PAGE1: variants seen among roughly 807,000 people sequenced by gnomAD.
PAGE1 encodes the protein PAGE family member 1.
Under a neutral mutation model 11.5 loss-of-function variants are expected in PAGE1, and 6 were observed. The ratio of observed to expected loss-of-function variants is 0.52; its 90% CI spans 0.29 to 1.03. PAGE1 has a LOEUF of 1.03. PAGE1 is among the 50% of genes least tolerant of loss of function. The pLI, the probability that PAGE1 is intolerant of heterozygous loss-of-function variation, is 0.09. For synonymous variants in PAGE1, 42 were observed against 40.2 expected, an observed-to-expected ratio of 1.05 and a Z score of -0.17; for missense variants, 120 against 110.2, an observed-to-expected ratio of 1.09 and a Z score of -0.40.
intron 5 of PAGE1, among the ~76,000 whole-genome samples, chrX:49,688,856 T>C (rs980221147): frequency 1.8e-5 from 2 of 112,036 alleles, no homozygotes; most frequent in Admixed American, 1.9e-4. Context: ...TACAAAAGCA[T>C]CTGAAAATCA....
chrX:49,690,103 A>G lies in PAGE1; in HGVS notation c.293-560T>C, dbSNP rs782289466. ...TGTGTATATATGTGTATATATGTGT[A>G]TATATACACATATATATGTGTATAT... On this transcript the variant is annotated intron_variant, in intron 4 of 5. Transcript: ENST00000376150. Among the ~76,000 whole-genome samples, 2 of 68,064 alleles carry G rather than the reference A, an allele frequency of 2.9e-5. 1 individual carries two copies. Among genetic ancestry groups the G allele is most frequent in the South Asian group, 1.5e-3 (2 of 1,355 alleles). 59.1% of individuals were successfully genotyped at this position (68,064 alleles called of 115,157 possible).
intron 3 of PAGE1, among the ~76,000 whole-genome samples, chrX:49,691,811 G>T (rs144852638): frequency 9.0e-6 from 1 of 111,344 alleles, no homozygotes; most frequent in Non-Finnish European, 1.9e-5. Flanking sequence ...TAAACGTTCC[G>T]CAAACCAACT....
chrX:49,693,853 C>T (rs1371344960), intron 3 of PAGE1, among the ~76,000 whole-genome samples: 2 of 111,031 alleles, frequency 1.8e-5, no homozygotes, highest in Admixed American at 9.7e-5. Context: ...AACACAATCC[C>T]CGGGCCTCCA....
rs2066887557 is a variant in PAGE1, at chrX:49,687,475, T to C, written c.*66A>G. ...TTTGCAGAAGGCTGTAAAGCTTTAT[T>C]GGGAGAATTTTAATGGTCAAATTTC... is the stretch of plus-strand genomic sequence containing the variant. On this transcript the variant is annotated 3_prime_UTR_variant, in exon 6 of 6. Transcript: ENST00000376150. The C allele has an allele frequency of 9.5e-7, 1 of 1,049,132 alleles. No individual in the cohort carries two copies. The highest frequency in any genetic ancestry group is 3.0e-5 in the East Asian group (1 of 33,053). The allele number at this position is 1,049,132 out of a possible 1,213,427, so 86.5% of individuals were successfully genotyped here.
Position 49,689,673 on chromosome X carries a change from C to CATATATGTGTGTATATATATACACAT in PAGE1, c.293-156_293-131dup, listed in dbSNP as rs1557141680. ...GTGTGTATATATATATATACATATA[C>CATATATGTGTGTATATATATACACAT]ATATATGTGTGTATATATATACACA... On this transcript the variant is annotated intron_variant, in intron 4 of 5. Coordinates refer to ENST00000376150, the MANE Select transcript of PAGE1 (RefSeq NM_003785.4). 5.4e-3 allele frequency: 345 copies of CATATATGTGTGTATATATATACACAT among 63,717 alleles called. 3 individuals are homozygous for CATATATGTGTGTATATATATACACAT. The highest frequency in any genetic ancestry group is 6.9e-3 in the Admixed American group (19 of 2,757). 5.3% of individuals were successfully genotyped at this position (63,717 alleles called of 1,213,427 possible).
Position 49,694,391 on chromosome X carries a change from C to T in PAGE1, c.64-190G>A, listed in dbSNP as rs193009788. ...TACTCTACCCACAGAAAGGTTACTGCGAGAAAAGTTACCCACAAGGACTTT... is the reference window on the plus strand; with the variant it reads ...TACTCTACCCACAGAAAGGTTACTGTGAGAAAAGTTACCCACAAGGACTTT... On this transcript the variant is annotated intron_variant, in intron 2 of 5. Coordinates refer to ENST00000376150, the MANE Select transcript of PAGE1 (RefSeq NM_003785.4). 8.1e-5 allele frequency among the ~76,000 whole-genome samples: 9 copies of T among 111,260 alleles called. No individual in the cohort carries two copies. In the East Asian group the frequency reaches 1.1e-3, roughly 14 times the overall value.
intron 2 of PAGE1, 103 bp downstream of exon 2, chrX:49,694,605 A>G: frequency 2.2e-6 from 1 of 450,099 alleles, no homozygotes; most frequent in Non-Finnish European, 3.8e-6. Flanking sequence ...TACCTTTATT[A>G]GTGTATCTAT....
intron 3 of PAGE1, among the ~76,000 whole-genome samples, chrX:49,692,148 A>T (rs1476542703): frequency 1.0e-5 from 1 of 99,994 alleles, no homozygotes. Flanking sequence ...CTCCGTCTGA[A>T]AAAAAAAAAT....
In PAGE1 at chrX:49,687,531, G is replaced by A. The variant is rs368230153; in HGVS notation, c.*10C>T. The A allele has an allele frequency of 2.9e-5, 35 of 1,200,994 alleles. No homozygotes were observed. Among genetic ancestry groups the A allele is most frequent in the South Asian group, 9.0e-5 (5 of 55,825 alleles). ...CAGGAGCAGCCTGAACCATTTCAGC[G>A]TGTCTTCTTTTAAGGCTGTGATTGC... is the stretch of plus-strand genomic sequence containing the variant. On this transcript the variant is annotated 3_prime_UTR_variant, in exon 6 of 6. Transcript: ENST00000376150.
chrX:49,695,079 TTCACTGCAGCCTCGACCTCCCGC>T (rs2066936214), intron 1 of PAGE1, among the ~76,000 whole-genome samples: 2 of 112,808 alleles, frequency 1.8e-5, no homozygotes, highest in African/African-American at 6.4e-5. Context: ...GTGATCACAC[TTCACTGCAGCCTCGACCTCCCGC>T]TCACGCGATC....
At position 49,690,605 on chromosome X, in the gene PAGE1, G is replaced by A. The variant is rs184653854; in HGVS notation, c.292+644C>T. Reference sequence around the variant, plus strand: ...TTGTCTATCCTCTTCAAAAATGTCCGTATCCTGAATGACAAAGAAAAATTA... The same window carrying A: ...TTGTCTATCCTCTTCAAAAATGTCCATATCCTGAATGACAAAGAAAAATTA... On this transcript the variant is annotated intron_variant, in intron 4 of 5. Coordinates refer to ENST00000376150, the MANE Select transcript of PAGE1 (RefSeq NM_003785.4). Among the ~76,000 whole-genome samples the A allele has an allele frequency of 1.4e-4, 16 of 111,347 alleles. No individual in the cohort carries two copies. In the East Asian group the frequency reaches 3.7e-3, roughly 25 times the overall value.
chrX:49,694,728 T>A lies in PAGE1; in HGVS notation c.43A>T (p.Ile15Phe). The change falls in exon 2 of 6, where the codon ATC becomes TTC. Residue 15 changes from isoleucine to phenylalanine, a missense_variant. Physicochemically the swap from Ile to Phe is conservative, Grantham distance 21. Transcript: ENST00000376150. ...ATTACCTCAGAAGATTCTACATAGA[T>A]CATTGGTCTACGCCGATAGATTAAT... ...RRLIYRRRPM[I>F]YVESSEESSD... The A allele has an allele frequency of 8.3e-7, 1 of 1,198,697 alleles. No homozygotes were observed. The highest frequency in any genetic ancestry group is 1.7e-5 in the African/African-American group (1 of 57,653).
intron 4 of PAGE1, 45 bp from the exon 5 acceptor site, chrX:49,689,588 A>G (rs782524784): frequency 1.8e-5 from 1 of 56,948 alleles, no homozygotes; most frequent in African/African-American, 1.2e-4. Context: ...ATATATATAT[A>G]TATATATATA....
chrX:49,689,963 ATGTG>A (rs2066909777), intron 4 of PAGE1, among the ~76,000 whole-genome samples: 2 of 62,329 alleles, frequency 3.2e-5, no homozygotes, highest in East Asian at 7.4e-4. Flanking sequence ...ACACATATAT[ATGTG>A]TATATATATG....
At chrX:49,692,107 A>G (rs1398211475) in intron 3 of PAGE1, among the ~76,000 whole-genome samples, 4 of 110,772 alleles carry the variant, frequency 3.6e-5, no homozygotes, top group Non-Finnish European at 7.6e-5. Flanking sequence ...AGATCTTGCC[A>G]CTGCACTCCA....
intron 4 of PAGE1, among the ~76,000 whole-genome samples, chrX:49,689,822 ATATGTG>A (rs1386433801): frequency 1.7e-5 from 1 of 59,619 alleles, no homozygotes; most frequent in African/African-American, 8.8e-5. Context: ...ATACACACAT[ATATGTG>A]TATATATGTG....
At position 49,689,484 on chromosome X, in the gene PAGE1, C is replaced by T. The variant is rs782020946; in HGVS notation, c.352G>A (p.Gly118Arg). ...QVHPKTGCER[G>R]DGPDVQELGL... is the part of the protein sequence containing the mutation. The stretch of plus-strand genomic sequence containing the variant: ...AACTCCTGGACATCAGGACCATCTC[C>T]GCGCTCACACCCAGTCTTCGGGTGA... Residue 118 changes from glycine to arginine, a missense_variant, in exon 5 of 6, where the codon GGA becomes AGA. Physicochemically the swap from Gly to Arg is moderately radical, Grantham distance 125. Transcript: ENST00000376150. 4.2e-5 allele frequency: 43 copies of T among 1,035,787 alleles called. No individual in the cohort carries two copies. Among genetic ancestry groups the T allele is most frequent in the East Asian group, 2.8e-4 (6 of 21,284 alleles). 85.4% of individuals were successfully genotyped at this position (1,035,787 alleles called of 1,213,427 possible). A position where few individuals can be genotyped will look rare whatever the true frequency, so the allele number is the denominator to read the frequency against.
chrX:49,692,882 A>G (rs1326843300), intron 3 of PAGE1, among the ~76,000 whole-genome samples: 1 of 111,030 alleles, frequency 9.0e-6, no homozygotes, highest in Non-Finnish European at 1.9e-5. Flanking sequence ...CAGCCTCCCA[A>G]GTAGCTGGGA....
Position 49,694,123 on chromosome X carries a change from CCT to C in PAGE1, c.140_141del (p.Glu47GlyfsTer2), listed in dbSNP as rs1557142554. ...CCTTGAGCTGCAGATGCTCCCTCATCCTCTCTCTCTTCAGCAGGTGTAGAATC... is the reference window on the plus strand; with the variant it reads ...CCTTGAGCTGCAGATGCTCCCTCATCCTCTCTCTTCAGCAGGTGTAGAATC... ...SQDSTPAEER[E>X]DEGASAAQGQ... On this transcript the variant is annotated frameshift_variant, in exon 3 of 6. Transcript: ENST00000376150. LOFTEE classifies it high-confidence loss of function. 8.4e-7 allele frequency: 1 copy of C among 1,193,163 alleles called. No individual in the cohort carries two copies.
Sources: allele counts gnomAD v4.1 joint callset (sites outside exome capture counted in the v4.1 genomes callset), GRCh38; gene constraint gnomAD v4.1.1; transcripts MANE v1.5; gene names NCBI Gene and HGNC (gene_info 2026-07-23, HGNC 2026-07-21).